Variants in DLGAP2 observed in about 807,000 individuals in gnomAD.
The protein encoded by DLGAP2 is DLG associated protein 2, also known as disks large-associated protein 2.
In DLGAP2, 26 loss-of-function variants were observed where a neutral mutation model predicts 100.3. That is an observed-to-expected ratio of 0.26 (90% confidence interval 0.19 to 0.36). The LOEUF is 0.36. Among genes scored for constraint, DLGAP2 ranks in the 10% least tolerant of loss-of-function variants. The pLI, the probability that DLGAP2 is intolerant of heterozygous loss-of-function variation, is 1.00. For synonymous variants in DLGAP2, 886 were observed against 630.1 expected (o/e 1.41, Z -6.08); for missense variants, 1,858 against 1,453.2 (o/e 1.28, Z -4.53).
At chr8:824,077 CCTT>C (rs1237048157) in intron 1 of DLGAP2, among the ~76,000 whole-genome samples, 15 of 151,230 alleles carry the variant, frequency 9.9e-5, no homozygotes, top group South Asian at 2.1e-4. Flanking sequence ...CTTCCTTTTT[CCTT>C]CTTCTTTCTT....
chr8:1,228,074 G>C (rs898178637), intron 2 of DLGAP2, among the ~76,000 whole-genome samples: 1 of 151,818 alleles, frequency 6.6e-6, no homozygotes, highest in Admixed American at 6.6e-5. Context: ...ACTGGGGCCT[G>C]TTGTGGGGTG....
At chr8:1,457,264 A>T (rs1321097397) in intron 3 of DLGAP2, among the ~76,000 whole-genome samples, 3 of 152,188 alleles carry the variant, frequency 2.0e-5, no homozygotes, top group African/African-American at 7.2e-5. Flanking sequence ...CTCAAGTTAT[A>T]GTCATAATTC....
At chr8:1,555,203 C>G (rs1468095901) in intron 5 of DLGAP2, among the ~76,000 whole-genome samples, 3 of 152,168 alleles carry the variant, frequency 2.0e-5, no homozygotes, top group Non-Finnish European at 1.5e-5. Context: ...CACAGACGCA[C>G]AACCCTGCAC....
chr8:1,383,696 C>T (rs1417722399), intron 3 of DLGAP2, among the ~76,000 whole-genome samples: 1 of 152,202 alleles, frequency 6.6e-6, no homozygotes, highest in African/African-American at 2.4e-5. Flanking sequence ...TGAGGCTCTT[C>T]TCTGTAAGGT....
chr8:893,590 G>A (rs1798080193), intron 1 of DLGAP2, among the ~76,000 whole-genome samples: 2 of 152,204 alleles, frequency 1.3e-5, no homozygotes, highest in South Asian at 2.1e-4. Context: ...TGGCCCTGGG[G>A]CCGCCCCTCA....
chr8:754,769 G>C (rs890955681), intron 1 of DLGAP2, among the ~76,000 whole-genome samples: 1 of 152,196 alleles, frequency 6.6e-6, no homozygotes, highest in African/African-American at 2.4e-5. Context: ...TTGAGTCCAG[G>C]AGTCTGAGGC....
intron 3 of DLGAP2, chr8:1,380,936 T>TTAA (rs1796078313): frequency 1.1e-4 from 1 of 8,750 alleles, no homozygotes; most frequent in Non-Finnish European, 3.3e-4. Flanking sequence ...TGAACATGAT[T>TTAA]CAAAAAAAAA....
chr8:1,380,893 A>G (rs1796077383), intron 3 of DLGAP2, among the ~76,000 whole-genome samples: 1 of 120,716 alleles, frequency 8.3e-6, no homozygotes, highest in East Asian at 2.9e-4. Flanking sequence ...TTTGGTGACC[A>G]TTTGTATCAT....
At position 1,486,791 on chromosome 8, in the gene DLGAP2, G is replaced by A. The variant is rs569192046; in HGVS notation, c.107-14575G>A. Among the ~76,000 whole-genome samples the A allele has an allele frequency of 3.9e-5, 6 of 152,354 alleles. No individual in the cohort carries two copies. In the South Asian group the frequency reaches 1.2e-3, roughly 32 times the overall value. On this transcript the variant is annotated intron_variant, in intron 3 of 14. Coordinates refer to ENST00000637795, the MANE Select transcript of DLGAP2 (RefSeq NM_001346810.2). ...GTGGAGCTGGCAACATGAGAATCATGCATTTGAGTCACAAACAAGTAGTAA... is the reference window on the plus strand; with the variant it reads ...GTGGAGCTGGCAACATGAGAATCATACATTTGAGTCACAAACAAGTAGTAA...
chr8:869,754 G>T (rs1168341551), intron 1 of DLGAP2, among the ~76,000 whole-genome samples: 2 of 152,226 alleles, frequency 1.3e-5, no homozygotes, highest in Admixed American at 1.3e-4. Context: ...TGGCAAGCCT[G>T]TTTCCCCAAA....
intron 8 of DLGAP2, among the ~76,000 whole-genome samples, chr8:1,649,575 A>ATGG (rs999048885): frequency 2.6e-5 from 4 of 152,232 alleles, no homozygotes; most frequent in African/African-American, 9.6e-5. Context: ...AGGTACTTGG[A>ATGG]TGGTGAGATC....
intron 3 of DLGAP2, among the ~76,000 whole-genome samples, chr8:1,281,586 G>A (rs920008999): frequency 1.3e-5 from 2 of 152,176 alleles, no homozygotes; most frequent in South Asian, 2.1e-4. Flanking sequence ...GGGTTGACCA[G>A]TTTTGAGCCC....
intron 6 of DLGAP2, among the ~76,000 whole-genome samples, chr8:1,572,955 A>G (rs1802797299): frequency 8.3e-6 from 1 of 120,414 alleles, no homozygotes; most frequent in Non-Finnish European, 1.7e-5. Flanking sequence ...TATTGGGGGC[A>G]TCTGATGAGA....
chr8:804,252 G>C (rs1333293774), intron 1 of DLGAP2, among the ~76,000 whole-genome samples: 1 of 152,188 alleles, frequency 6.6e-6, no homozygotes, highest in Non-Finnish European at 1.5e-5. Flanking sequence ...TTAGTCCAAT[G>C]ATTCTGGGGT....
chr8:1,120,144 G>A (rs1033840462), intron 2 of DLGAP2, among the ~76,000 whole-genome samples: 20 of 152,160 alleles, frequency 1.3e-4, no homozygotes, highest in Admixed American at 9.8e-4. Flanking sequence ...GTCTGTGGAC[G>A]TAACCCTACT....
At chr8:1,114,345 A>C (rs1563199317) in intron 2 of DLGAP2, among the ~76,000 whole-genome samples, 1 of 151,946 alleles carries the variant, frequency 6.6e-6, no homozygotes, top group Admixed American at 6.6e-5. Context: ...TTTTTGGTTG[A>C]TAAACTATTC....
At chr8:1,319,562 T>C (rs1800847809) in intron 3 of DLGAP2, among the ~76,000 whole-genome samples, 1 of 152,174 alleles carries the variant, frequency 6.6e-6, no homozygotes, top group Non-Finnish European at 1.5e-5. Context: ...AATCACTGAT[T>C]TCAAGGAGCT....
chr8:1,423,330 G>A (rs1277536979), intron 3 of DLGAP2, among the ~76,000 whole-genome samples: 1 of 152,076 alleles, frequency 6.6e-6, no homozygotes, highest in Non-Finnish European at 1.5e-5. Context: ...AGGCACCCGG[G>A]CAGCTCAGGT....
At chr8:1,644,218 C>T (rs1016833751) in intron 8 of DLGAP2, among the ~76,000 whole-genome samples, 1 of 152,358 alleles carries the variant, frequency 6.6e-6, no homozygotes, top group African/African-American at 2.4e-5. Flanking sequence ...ACCCACTCTC[C>T]ATCCTGCCTG....
Sources: allele counts gnomAD v4.1 joint callset (sites outside exome capture counted in the v4.1 genomes callset), GRCh38; gene constraint gnomAD v4.1.1; transcripts MANE v1.5; gene names NCBI Gene and HGNC (gene_info 2026-07-23, HGNC 2026-07-21).